TPM1: variants seen among roughly 807,000 people sequenced by gnomAD.
TPM1 encodes tropomyosin 1.
Under a neutral mutation model 42.9 loss-of-function variants are expected in TPM1, and 24 were observed. The observed-to-expected ratio is 0.56, with a 90% confidence interval of 0.41 to 0.79. TPM1 has a LOEUF of 0.79. TPM1 is among the 30% of genes least tolerant of loss of function. The pLI is 0.00. For missense variants in TPM1, 158 were observed against 351.8 expected (o/e 0.45, Z 4.41); for synonymous variants, 136 against 130.1 (o/e 1.05, Z -0.31).
At chr15:63,060,790 C>T (rs1034836527) in intron 4 of TPM1, 79 bp from the exon 5 acceptor site, 68 of 1,503,490 alleles carry the variant, frequency 4.5e-5, no homozygotes, top group Non-Finnish European at 5.9e-5. Context: ...CTGATGGGAT[C>T]TGATCTCTAC....
At chr15:63,063,463 C>A (rs2035915328) in intron 8 of TPM1, 1 of 767,480 alleles carries the variant, frequency 1.3e-6, no homozygotes, top group Non-Finnish European at 1.6e-6. Context: ...GCTTTTCAAG[C>A]CTCCTGGACC....
intron 9 of TPM1, 108 bp downstream of exon 9, chr15:63,064,250 T>G (rs1401272678): frequency 1.9e-6 from 3 of 1,547,452 alleles, no homozygotes; most frequent in Non-Finnish European, 2.6e-6. Context: ...CACTCTTGTG[T>G]TCACCCTTTT....
intron 3 of TPM1, among the ~76,000 whole-genome samples, chr15:63,058,477 C>T (rs2035124500): frequency 6.6e-6 from 1 of 152,070 alleles, no homozygotes; most frequent in African/African-American, 2.4e-5. Flanking sequence ...GGGGCCGAGG[C>T]GGGCAGATCA....
chr15:63,057,064 C>T lies in TPM1; in HGVS notation c.320C>T (p.Ala107Val). 6.2e-7 allele frequency: 1 copy of T among 1,614,214 alleles called. No homozygotes were observed. Among genetic ancestry groups the T allele is most frequent in the Non-Finnish European group, 8.5e-7 (1 of 1,180,038 alleles). ...EELDRAQERL[A>V]TALQKLEEAE... ...TTGGATCGTGCCCAGGAGCGTCTGG[C>T]AACAGCTTTGCAGAAGCTGGAGGAA... is the stretch of plus-strand genomic sequence containing the variant. Residue 107 changes from alanine to valine, a missense_variant, in exon 3 of 10, where the codon GCA becomes GTA. This residue lies in a region of TPM1 where 65 missense variants were observed against 208.8 expected (regional missense o/e 0.31). Coordinates refer to ENST00000403994, the MANE Select transcript of TPM1 (RefSeq NM_001018005.2).
rs730881156 is a variant in TPM1 at position 63,056,997 on chromosome 15, G to A, written c.253G>A (p.Val85Ile). The A allele has an allele frequency of 3.7e-6, 6 of 1,614,178 alleles. No individual in the cohort carries two copies. Among genetic ancestry groups the A allele is most frequent in the East Asian group, 2.2e-5 (1 of 44,876 alleles). Residue 85 changes from valine (V) to isoleucine (I), a missense_variant, in exon 3 of 10, where the codon GTA becomes ATA. Around this residue, in one of 4 missense-constraint regions of TPM1, gnomAD observed 65 missense variants for 208.8 expected, o/e 0.31. Transcript: ENST00000403994. Reference sequence around the variant, plus strand: ...ACTCTCTACCTAGGCTGAAGCCGACGTAGCTTCTCTGAACAGACGCATCCA... The same window carrying A: ...ACTCTCTACCTAGGCTGAAGCCGACATAGCTTCTCTGAACAGACGCATCCA... Reference protein sequence around the residue: ...EKKATDAEADVASLNRRIQLV... With the variant: ...EKKATDAEADIASLNRRIQLV...
intron 5 of TPM1, chr15:63,061,154 T>C: frequency 6.3e-7 from 1 of 1,598,970 alleles, no homozygotes; most frequent in Non-Finnish European, 8.6e-7. Flanking sequence ...ACCTGCACAC[T>C]GATTTTGTGA....
In TPM1 at chr15:63,065,963, C is replaced by T. The variant is rs771345862; in HGVS notation, c.*64C>T. 49 of 1,595,116 alleles carry T rather than the reference C, an allele frequency of 3.1e-5. 1 individual carries two copies. In the South Asian group the frequency reaches 5.6e-4, roughly 18 times the overall value. On this transcript the variant is annotated 3_prime_UTR_variant, in exon 10 of 10. Coordinates refer to ENST00000403994, the MANE Select transcript of TPM1 (RefSeq NM_001018005.2). ...GCTGGATGTCCCACCTCTCTGAGCT[C>T]TGCATTTGTCTATTCTCCAGCTGAC...
intron 2 of TPM1, chr15:63,048,339 G>C (rs1255542005): frequency 8.9e-7 from 1 of 1,127,866 alleles, no homozygotes; most frequent in African/African-American, 1.7e-5. Flanking sequence ...GCCAGTCCCG[G>C]GATCCACGGC....
At chr15:63,048,860 G>C (rs1296171565) in intron 2 of TPM1, 2 of 1,032,370 alleles carry the variant, frequency 1.9e-6, no homozygotes, top group Non-Finnish European at 1.4e-6. Flanking sequence ...CTGGCGGCGG[G>C]CTCTGGGGAG....
intron 2 of TPM1, among the ~76,000 whole-genome samples, chr15:63,053,807 G>T (rs2140864686): frequency 6.6e-6 from 1 of 150,696 alleles, no homozygotes; most frequent in Admixed American, 6.6e-5. Context: ...TCAGCCTCCT[G>T]AGTAGCTGGG....
At chr15:63,059,861 G>A (rs2035363521) in intron 4 of TPM1, 181 bp downstream of exon 4, 1 of 469,182 alleles carries the variant, frequency 2.1e-6, no homozygotes, top group Admixed American at 2.9e-5. Context: ...CCTGCTAGGG[G>A]ATCCCAGGCT....
At position 63,059,941 on chromosome 15, in the gene TPM1, G is replaced by T. The variant is rs3803502; in HGVS notation, c.492+261G>T. On this transcript the variant is annotated intron_variant, in intron 4 of 9. Transcript: ENST00000403994. ...TCCTCTCCCCCAGCCACAAAGACCC[G>T]GACAAAAGATCTTTGGCCGGAAGGG... 49,777 of 363,802 alleles carry T rather than the reference G, an allele frequency of 0.14. 3,981 individuals are homozygous for T. Among genetic ancestry groups the T allele is most frequent in the Admixed American group, 0.27 (7,318 of 26,852 alleles). 22.5% of individuals were successfully genotyped at this position (363,802 alleles called of 1,614,324 possible). A position where few individuals can be genotyped will look rare whatever the true frequency, so the allele number is the denominator to read the frequency against.
chr15:63,053,503 G>A (rs2034267577), intron 2 of TPM1, among the ~76,000 whole-genome samples: 1 of 152,044 alleles, frequency 6.6e-6, no homozygotes, highest in African/African-American at 2.4e-5. Context: ...ACATACTTCT[G>A]TGCCCAGGGT....
chr15:63,053,724 C>T (rs575454272), intron 2 of TPM1, among the ~76,000 whole-genome samples: 1 of 142,930 alleles, frequency 7.0e-6, no homozygotes, highest in South Asian at 2.3e-4. Context: ...CTCTGTCGCC[C>T]AGGCTGGAGT....
intron 2 of TPM1, chr15:63,048,170 C>T (rs1330014009): frequency 2.2e-6 from 1 of 450,580 alleles, no homozygotes; most frequent in Non-Finnish European, 4.4e-6. Flanking sequence ...GCAGCCAGCT[C>T]CGTTACCCCG....
chr15:63,055,108 A>G (rs1044982903), intron 2 of TPM1, among the ~76,000 whole-genome samples: 4 of 151,992 alleles, frequency 2.6e-5, no homozygotes, highest in Non-Finnish European at 5.9e-5. Context: ...TCACCCTTCA[A>G]TACACACACA....
chr15:63,048,909 C>G (rs757915078), intron 2 of TPM1: 3 of 705,748 alleles, frequency 4.3e-6, no homozygotes, highest in Non-Finnish European at 7.3e-6. Flanking sequence ...TTTTCCATCT[C>G]GCTGATCCAA....
chr15:63,063,977 A>G, intron 8 of TPM1, 87 bp from the exon 9 acceptor site: 1 of 1,555,206 alleles, frequency 6.4e-7, no homozygotes, highest in Middle Eastern at 1.7e-4. Flanking sequence ...CTGTGTTGGG[A>G]TGGTGCGCGC....
intron 2 of TPM1, among the ~76,000 whole-genome samples, chr15:63,052,530 AAAGAAG>A (rs72212970): frequency 8.6e-5 from 13 of 151,314 alleles, no homozygotes; most frequent in South Asian, 2.1e-4. Context: ...CTCAAAGAAA[AAAGAAG>A]AAGAAGAAGA....
Sources: gnomAD v4.1 joint callset for allele counts (sites outside exome capture counted in the v4.1 genomes callset) on GRCh38, gnomAD v4.1.1 for gene constraint, gnomAD v4.1.1 regional missense constraint, MANE v1.5 for transcripts, NCBI Gene and HGNC (gene_info 2026-07-23, HGNC 2026-07-21) for gene names.